CASC3: variants seen among roughly 807,000 people sequenced by gnomAD.
The protein encoded by CASC3 is CASC3 exon junction complex subunit, also known as protein CASC3.
CASC3 carries 30 observed loss-of-function variants against 80.5 expected under a neutral mutation model. That is an observed-to-expected ratio of 0.37 (90% CI 0.28 to 0.51). The LOEUF (loss-of-function observed/expected upper bound fraction) is 0.51. Ranked by LOEUF, CASC3 falls within the 20% of genes least tolerant of loss-of-function variation. The pLI is 0.94. For synonymous variants in CASC3, 312 were observed against 333.6 expected (o/e 0.94, Z 0.70); for missense variants, 824 against 922.2 (o/e 0.89, Z 1.38).
intron 7 of CASC3, among the ~76,000 whole-genome samples, chr17:40,165,719 GTTT>G: frequency 7.1e-6 from 1 of 140,698 alleles, no homozygotes; most frequent in East Asian, 2.1e-4. Flanking sequence ...GTACTTTTGT[GTTT>G]TTGTTGTTGT....
chr17:40,148,757 T>TTGCTTTCTCTC (rs1408789785), intron 3 of CASC3, among the ~76,000 whole-genome samples: 1 of 152,182 alleles, frequency 6.6e-6, no homozygotes, highest in Admixed American at 6.5e-5. Context: ...TCAGGTCCAT[T>TTGCTTTCTCTC]TGCTTTCTCT....
At chr17:40,166,894 G>C in intron 8 of CASC3, 33 bp downstream of exon 8, 2 of 1,510,396 alleles carry the variant, frequency 1.3e-6, no homozygotes, top group Non-Finnish European at 1.8e-6. Context: ...ATGGGGGAGG[G>C]AGCTGCCTGT....
At chr17:40,169,499 C>G (rs1989539480) in intron 12 of CASC3, 53 bp downstream of exon 12, 1 of 1,578,160 alleles carries the variant, frequency 6.3e-7, no homozygotes, top group Admixed American at 1.9e-5. Context: ...GTGGGCTTTC[C>G]TTCTCCCCAG....
intron 13 of CASC3, among the ~76,000 whole-genome samples, chr17:40,170,172 C>T (rs1989560385): frequency 6.6e-6 from 1 of 151,860 alleles, no homozygotes; most frequent in Non-Finnish European, 1.5e-5. Flanking sequence ...GAAGTAGAAA[C>T]GATTGTTAAC....
At position 40,163,925 on chromosome 17, in the gene CASC3, T is replaced by C. The variant is rs746363763; in HGVS notation, c.1230T>C (p.Thr410=). 2 of 1,614,006 alleles carry C rather than the reference T, an allele frequency of 1.2e-6. No homozygotes were observed. The highest frequency in any genetic ancestry group is 1.6e-4 in the Middle Eastern group (1 of 6,062). The change falls in exon 7 of 14, where the codon ACT becomes ACC. Residue 410 remains threonine (T), a synonymous_variant. Transcript: ENST00000264645. ...AATCCTATTCCCGGGCAAGAAGAAC[T>C]CGAACCAAAGTTGGAGATGCAGTCA... The part of the protein sequence containing the change: ...EKKSYSRARR[T]RTKVGDAVKL...
At position 40,166,802 on chromosome 17, in the gene CASC3, C is replaced by A; in HGVS notation, c.1477C>A (p.Pro493Thr). ...ACTTTTTTGGTGTATTACAGGTATGCCCAACCATATACACATGGGAGCAGG... is the reference window on the plus strand; with the variant it reads ...ACTTTTTTGGTGTATTACAGGTATGACCAACCATATACACATGGGAGCAGG... ...FLQPRELRGMPNHIHMGAGPP... is the reference protein window; with the variant it reads ...FLQPRELRGMTNHIHMGAGPP... The change falls in exon 8 of 14, where the codon CCC becomes ACC. Residue 493 changes from proline to threonine, a missense_variant. By Grantham distance (38) the Pro-to-Thr change is conservative. Transcript: ENST00000264645. 6.3e-7 allele frequency: 1 copy of A among 1,595,404 alleles called. No individual in the cohort carries two copies. The highest frequency in any genetic ancestry group is 8.5e-7 in the Non-Finnish European group (1 of 1,173,990).
Position 40,171,810 on chromosome 17 carries a change from C to T in CASC3, c.*1405C>T, listed in dbSNP as rs995809473. The T allele has an allele frequency of 8.5e-7, 1 of 1,171,300 alleles. No homozygotes were observed. The highest frequency in any genetic ancestry group is 1.1e-6 in the Non-Finnish European group (1 of 932,704). 72.6% of individuals were successfully genotyped at this position (1,171,300 alleles called of 1,614,324 possible). On this transcript the variant is annotated 3_prime_UTR_variant, in exon 14 of 14. Transcript: ENST00000264645. ...GTAATGTCACTGTTTTTATTCCTTC[C>T]ATCTAGCAGCTGGCCTAATCACTCT...
intron 3 of CASC3, among the ~76,000 whole-genome samples, chr17:40,148,382 T>C (rs75423829): frequency 2.7e-5 from 4 of 150,538 alleles, no homozygotes; most frequent in Admixed American, 2.6e-4. Flanking sequence ...TTTTTTTTTT[T>C]AAGACAGAGT....
At chr17:40,157,706 G>A (rs1989188533) in intron 3 of CASC3, among the ~76,000 whole-genome samples, 1 of 151,866 alleles carries the variant, frequency 6.6e-6, no homozygotes, top group Non-Finnish European at 1.5e-5. Context: ...AAAATATAAA[G>A]GACACCTATC....
intron 3 of CASC3, among the ~76,000 whole-genome samples, chr17:40,157,385 A>C (rs1989179397): frequency 6.6e-6 from 1 of 151,594 alleles, no homozygotes; most frequent in Non-Finnish European, 1.5e-5. Context: ...TAATTAATTA[A>C]TTAAAAGGGG....
At chr17:40,165,097 T>G (rs1489951607) in intron 7 of CASC3, among the ~76,000 whole-genome samples, 1 of 151,646 alleles carries the variant, frequency 6.6e-6, no homozygotes, top group Non-Finnish European at 1.5e-5. Flanking sequence ...GTTTTTTTTT[T>G]TGTATTTTTA....
At chr17:40,148,228 C>G (rs575380513) in intron 3 of CASC3, among the ~76,000 whole-genome samples, 4 of 152,098 alleles carry the variant, frequency 2.6e-5, no homozygotes, top group Non-Finnish European at 5.9e-5. Context: ...CCTTTCCCAG[C>G]TTGTTCTGGA....
chr17:40,149,414 A>G (rs1473865930), intron 3 of CASC3, among the ~76,000 whole-genome samples: 1 of 152,082 alleles, frequency 6.6e-6, no homozygotes, highest in Non-Finnish European at 1.5e-5. Flanking sequence ...TGCCTGGCCA[A>G]AAAAACTTGT....
intron 3 of CASC3, among the ~76,000 whole-genome samples, chr17:40,157,928 A>C (rs1411542370): frequency 1.3e-5 from 2 of 152,204 alleles, no homozygotes; most frequent in East Asian, 3.8e-4. Flanking sequence ...TATTCAGTGG[A>C]AGTGGATCAT....
intron 3 of CASC3, among the ~76,000 whole-genome samples, chr17:40,149,914 A>G (rs1259816532): frequency 6.6e-6 from 1 of 152,176 alleles, no homozygotes; most frequent in African/African-American, 2.4e-5. Context: ...CTCCGTCTCA[A>G]AAAAAAGGGA....
In CASC3 at chr17:40,169,580, C is replaced by T; in HGVS notation, c.2089-18C>T. 1 of 1,591,646 alleles carries T rather than the reference C, an allele frequency of 6.3e-7. No homozygotes were observed. The highest frequency in any genetic ancestry group is 8.5e-7 in the Non-Finnish European group (1 of 1,170,628). ...TTTTGTTATGACCTGATAACAAATT[C>T]CAACTTTGTTATTTCAGGTTGTAAG... On this transcript the variant is annotated intron_variant, in intron 12 of 13. Coordinates refer to ENST00000264645, the MANE Select transcript of CASC3 (RefSeq NM_007359.5).
At position 40,169,231 on chromosome 17, in the gene CASC3, C is replaced by T. The variant is rs548852392; in HGVS notation, c.1966-93C>T. 1.4e-5 allele frequency: 17 copies of T among 1,250,398 alleles called. No individual in the cohort carries two copies. The African/African-American group carries it at 2.5e-4, about 18-fold the overall frequency. 77.5% of individuals were successfully genotyped at this position (1,250,398 alleles called of 1,614,324 possible). On this transcript the variant is annotated intron_variant, in intron 11 of 13. Coordinates refer to ENST00000264645, the MANE Select transcript of CASC3 (RefSeq NM_007359.5). Reference sequence around the variant, plus strand: ...GATATTTTTAAAATTATAAATTCCCCAATTCTCTTATGGCTGAATAATATT... The same window carrying T: ...GATATTTTTAAAATTATAAATTCCCTAATTCTCTTATGGCTGAATAATATT...
intron 3 of CASC3, among the ~76,000 whole-genome samples, chr17:40,154,361 G>A (rs1040821199): frequency 4.6e-5 from 7 of 151,842 alleles, no homozygotes; most frequent in Non-Finnish European, 7.4e-5. Context: ...TTTGCCCAAA[G>A]TAGCTGGGAT....
At position 40,140,580 on chromosome 17, in the gene CASC3, A is replaced by G; in HGVS notation, c.32A>G (p.Gln11Arg). ...GACCGGCGGCGGCAGCGCGCTTCGCAAGACACCGAGGACGAGGAATCTGGT... is the reference window on the plus strand; with the variant it reads ...GACCGGCGGCGGCAGCGCGCTTCGCGAGACACCGAGGACGAGGAATCTGGT... The part of the protein sequence containing the change: MADRRRQRAS[Q>R]DTEDEESGAS... The change falls in exon 1 of 14, where the codon CAA (glutamine) becomes CGA (arginine). Residue 11 changes from glutamine (Q) to arginine (R), a missense_variant. Coordinates refer to ENST00000264645, the MANE Select transcript of CASC3 (RefSeq NM_007359.5). The G allele has an allele frequency of 6.2e-7, 1 of 1,609,470 alleles. No individual in the cohort carries two copies. Among genetic ancestry groups the G allele is most frequent in the Non-Finnish European group, 8.5e-7 (1 of 1,179,488 alleles).
Sources: allele counts gnomAD v4.1 joint callset (sites outside exome capture counted in the v4.1 genomes callset), GRCh38; gene constraint gnomAD v4.1.1; transcripts MANE v1.5; gene names NCBI Gene and HGNC (gene_info 2026-07-23, HGNC 2026-07-21).